LYRM4: variants seen among roughly 807,000 people sequenced by gnomAD.
The protein encoded by LYRM4 is LYR motif-containing protein 4.
Under a neutral mutation model 11.7 loss-of-function variants are expected in LYRM4, and 9 were observed. The observed-to-expected ratio is 0.77, with a 90% CI of 0.46 to 1.34. The LOEUF (loss-of-function observed/expected upper bound fraction) is 1.34. LYRM4 is among the 40% of genes most tolerant of loss of function. The probability of loss-of-function intolerance (pLI) is 0.00; values close to 1 mark genes in which losing one functional copy is unlikely to be tolerated. For missense variants in LYRM4, 133 were observed against 112.5 expected, an observed-to-expected ratio of 1.18 and a Z score of -0.82; for synonymous variants, 42 against 40.4, an observed-to-expected ratio of 1.04 and a Z score of -0.15.
intron 1 of LYRM4, among the ~76,000 whole-genome samples, chr6:5,256,126 G>A (rs1399416000): frequency 3.9e-5 from 6 of 151,908 alleles, no homozygotes; most frequent in African/African-American, 1.2e-4. Flanking sequence ...TAGTGGCTAC[G>A]GATGCTATTC....
chr6:5,034,476 AG>A, the LYRM4 span: 1 of 152,184 alleles, frequency 6.6e-6, no homozygotes, highest in African/African-American at 2.4e-5. Context: ...AATGGCTTGG[AG>A]TCATCCTTGC....
intron 2 of LYRM4, among the ~76,000 whole-genome samples, chr6:5,110,673 C>T (rs1195127644): frequency 6.6e-6 from 1 of 152,102 alleles, no homozygotes; most frequent in African/African-American, 2.4e-5. Context: ...TTTTTAAATG[C>T]AAGTGAATGT....
chr6:5,231,678 C>A (rs182831721), intron 1 of LYRM4, among the ~76,000 whole-genome samples: 49 of 152,298 alleles, frequency 3.2e-4, no homozygotes, highest in African/African-American at 1.1e-3. Flanking sequence ...TTTGAAAATA[C>A]ACTTAGCCTC....
intron 1 of LYRM4, among the ~76,000 whole-genome samples, chr6:5,253,686 G>A (rs116004656): frequency 0.02 from 3,005 of 152,110 alleles, 90 homozygotes; most frequent in African/African-American, 0.068. Flanking sequence ...AGTTGTCACC[G>A]ACCAATTGAG....
intron 2 of LYRM4, among the ~76,000 whole-genome samples, chr6:5,188,371 GAAAA>G (rs71540852): frequency 1.1e-4 from 16 of 142,212 alleles, no homozygotes; most frequent in African/African-American, 4.1e-4. Flanking sequence ...ACTCTCAAAA[GAAAA>G]AAAAAAGAGA....
the LYRM4 span, among the ~76,000 whole-genome samples, chr6:5,092,763 T>C: frequency 6.9e-6 from 1 of 145,002 alleles, no homozygotes; most frequent in African/African-American, 2.8e-5. Flanking sequence ...TGTAAGTAGG[T>C]TGAGGCATTC....
At chr6:5,086,201 T>C in the LYRM4 span, 1 of 1,534,496 alleles carries the variant, frequency 6.5e-7, no homozygotes, top group Non-Finnish European at 8.7e-7. Context: ...TCCGGCCGGG[T>C]GCTCAGCTGC....
At position 5,109,196 on chromosome 6, in the gene LYRM4, T is replaced by C; in HGVS notation, c.*227A>G. 1.4e-6 allele frequency: 2 copies of C among 1,409,698 alleles called. No homozygotes were observed. The highest frequency in any genetic ancestry group is 1.5e-5 in the South Asian group (1 of 64,626). 87.3% of individuals were successfully genotyped at this position (1,409,698 alleles called of 1,614,324 possible). ...GGAGACGTGGTAACACACAGCACTATTCTGAACGAACTCCAGCTCTCCATT... is the reference window on the plus strand; with the variant it reads ...GGAGACGTGGTAACACACAGCACTACTCTGAACGAACTCCAGCTCTCCATT... On this transcript the variant is annotated 3_prime_UTR_variant, in exon 3 of 3. Transcript: ENST00000330636.
At chr6:5,094,465 T>C in the LYRM4 span, among the ~76,000 whole-genome samples, 8 of 152,302 alleles carry the variant, frequency 5.3e-5, no homozygotes, top group African/African-American at 1.4e-4. Flanking sequence ...GCCTGGATGA[T>C]AGAGTGAGAT....
rs372834053 is a variant in LYRM4 at position 5,260,785 on chromosome 6, G to C, written c.-52C>G. On this transcript the variant is annotated 5_prime_UTR_variant, in exon 1 of 3. Coordinates refer to ENST00000330636, the MANE Select transcript of LYRM4 (RefSeq NM_020408.6). ...TCCTCTTCGCCGAGGTCCCAAGTAC[G>C]ACCCAACCCACGAAACTCCAGCCTG... 91 of 1,535,096 alleles carry C rather than the reference G, an allele frequency of 5.9e-5. 1 individual carries two copies. The African/African-American group carries it at 1.2e-3, about 20-fold the overall frequency.
chr6:5,066,252 T>C, the LYRM4 span: 22 of 723,318 alleles, frequency 3.0e-5, no homozygotes, highest in Admixed American at 3.8e-4. Context: ...GATACAAGTC[T>C]GGATTTCGGG....
chr6:5,236,684 A>G (rs899800876), intron 1 of LYRM4, among the ~76,000 whole-genome samples: 1 of 151,936 alleles, frequency 6.6e-6, no homozygotes, highest in Non-Finnish European at 1.5e-5. Flanking sequence ...GCAGTAGCTC[A>G]CATCTGTAAT....
intron 2 of LYRM4, among the ~76,000 whole-genome samples, chr6:5,188,339 C>T (rs1760545379): frequency 1.3e-5 from 2 of 151,628 alleles, no homozygotes; most frequent in South Asian, 4.2e-4. Flanking sequence ...TGCACTCCAG[C>T]CTAGGTGACA....
chr6:5,236,066 G>A (rs1346612693), intron 1 of LYRM4, among the ~76,000 whole-genome samples: 2 of 152,168 alleles, frequency 1.3e-5, no homozygotes, highest in East Asian at 1.9e-4. Context: ...CTTCCTGAGC[G>A]CAGAGGGAAA....
In LYRM4 at chr6:5,256,490, GGAAAAAA is replaced by G. The variant is rs1764677097; in HGVS notation, c.86+4151_86+4157del. Among the ~76,000 whole-genome samples the G allele has an allele frequency of 6.9e-4, 26 of 37,520 alleles. 2 individuals carry two copies. Among genetic ancestry groups the G allele is most frequent in the African/African-American group, 1.8e-3 (22 of 12,310 alleles). The allele number at this position is 37,520 out of a possible 152,430, so 24.6% of individuals were successfully genotyped here. A position where few individuals can be genotyped will look rare whatever the true frequency, so the allele number is the denominator to read the frequency against. On this transcript the variant is annotated intron_variant, in intron 1 of 2. Coordinates refer to ENST00000330636, the MANE Select transcript of LYRM4 (RefSeq NM_020408.6). Reference sequence around the variant, plus strand: ...GGGCAACAAGGGCAAGATTTCAACTGGAAAAAAAAAAAAAAAAAAAAAAAAAAAAAAA... The same window carrying G: ...GGGCAACAAGGGCAAGATTTCAACTGAAAAAAAAAAAAAAAAAAAAAAAAA...
the LYRM4 span, among the ~76,000 whole-genome samples, chr6:5,096,802 T>C: frequency 6.6e-6 from 1 of 152,204 alleles, no homozygotes; most frequent in African/African-American, 2.4e-5. Flanking sequence ...ATCTTTCTCT[T>C]TTCCCTCTGG....
chr6:5,099,391 CTCTATCTATCTA>C (rs58771475), downstream of LYRM4, among the ~76,000 whole-genome samples: 10 of 145,560 alleles, frequency 6.9e-5, no homozygotes, highest in Admixed American at 7.0e-5. The surrounding 1 kb of genome is among the most constrained non-coding windows in gnomAD (Gnocchi z 4.3). Flanking sequence ...AAATCTATTT[CTCTATCTATCTA>C]TCTATCTATC....
intron 2 of LYRM4, among the ~76,000 whole-genome samples, chr6:5,200,226 T>C (rs1039909787): frequency 6.6e-6 from 1 of 152,152 alleles, no homozygotes; most frequent in Admixed American, 6.5e-5. Flanking sequence ...CCACAATTTG[T>C]ATGGGTAGCA....
intron 2 of LYRM4, among the ~76,000 whole-genome samples, chr6:5,203,296 G>C (rs143653248): frequency 0.012 from 1,827 of 152,276 alleles, 22 homozygotes; most frequent in South Asian, 0.035. Context: ...ACATGGGTAT[G>C]GAGGAAAAGA....
Sources: gnomAD v4.1 joint callset for allele counts (sites outside exome capture counted in the v4.1 genomes callset) on GRCh38, gnomAD v4.1.1 for gene constraint, Gnocchi (gnomAD v3.1) non-coding constraint, MANE v1.5 for transcripts, NCBI Gene and HGNC (gene_info 2026-07-23, HGNC 2026-07-21) for gene names.